The following RALGAPA2 variants were observed in gnomAD, a reference collection of about 807,000 sequenced individuals.
The protein encoded by RALGAPA2 is ral GTPase-activating protein subunit alpha-2.
RALGAPA2 carries 139 observed loss-of-function variants against 230.4 expected under a neutral mutation model. The observed-to-expected ratio is 0.60, with a 90% CI of 0.53 to 0.69. The LOEUF is 0.69. Among genes scored for constraint, RALGAPA2 ranks in the 30% least tolerant of loss-of-function variants. The pLI, the probability that RALGAPA2 is intolerant of heterozygous loss-of-function variation, is 0.00. For synonymous variants in RALGAPA2, 847 were observed against 837.8 expected, an observed-to-expected ratio of 1.01 and a Z score of -0.19; for missense variants, 2,163 against 2,276.0, an observed-to-expected ratio of 0.95 and a Z score of 1.01.
chr20:20,598,581 G>A (rs188646365), intron 16 of RALGAPA2: 20 of 332,566 alleles, frequency 6.0e-5, no homozygotes, highest in East Asian at 5.0e-4. Context: ...GGTCAGGCAC[G>A]TGTGTGATGT....
chr20:20,473,947 T>G (rs1045375664), intron 36 of RALGAPA2, among the ~76,000 whole-genome samples: 1 of 152,202 alleles, frequency 6.6e-6, no homozygotes, highest in South Asian at 2.1e-4. Context: ...GAAACAACAG[T>G]GAATAGTACA....
chr20:20,669,601 T>C (rs2068067890), intron 3 of RALGAPA2, among the ~76,000 whole-genome samples: 1 of 152,170 alleles, frequency 6.6e-6, no homozygotes, highest in African/African-American at 2.4e-5. Flanking sequence ...TAAGCCTATG[T>C]AGTTTACTTA....
chr20:20,646,315 C>T lies in RALGAPA2; in HGVS notation c.329-2766G>A, dbSNP rs150402297. On this transcript the variant is annotated intron_variant, in intron 4 of 39. Transcript: ENST00000202677. Reference sequence around the variant, plus strand: ...CTGGGATTACAGGTGTGAGCCAATGCGCCCAGCCCTCTGTAGGTATTTTTT... The same window carrying T: ...CTGGGATTACAGGTGTGAGCCAATGTGCCCAGCCCTCTGTAGGTATTTTTT... 3.6e-3 allele frequency among the ~76,000 whole-genome samples: 546 copies of T among 152,308 alleles called. 2 individuals are homozygous for T. The highest frequency in any genetic ancestry group is 0.013 in the African/African-American group (522 of 41,562).
Position 20,545,227 on chromosome 20 carries a change from C to CT in RALGAPA2, c.3285+1476dup, listed in dbSNP as rs1167830384. Among the ~76,000 whole-genome samples the CT allele has an allele frequency of 1.3e-4, 19 of 149,246 alleles. No homozygotes were observed. The South Asian group carries it at 1.5e-3, about 12-fold the overall frequency. ...CAAATTCAACATTTTTCTTCTTCTACTTTTTTTTTTCTTTTTAAGAGATGG... is the reference window on the plus strand; with the variant it reads ...CAAATTCAACATTTTTCTTCTTCTACTTTTTTTTTTTCTTTTTAAGAGATGG... On this transcript the variant is annotated intron_variant, in intron 24 of 39. Transcript: ENST00000202677.
intron 27 of RALGAPA2, among the ~76,000 whole-genome samples, chr20:20,530,921 A>C (rs2145559757): frequency 6.6e-6 from 1 of 152,288 alleles, no homozygotes; most frequent in East Asian, 1.9e-4. Context: ...GATAATGGCA[A>C]TGCTATTTAT....
chr20:20,616,192 C>A lies in RALGAPA2; in HGVS notation c.1540-1G>T. 6.7e-7 allele frequency: 1 copy of A among 1,499,334 alleles called. No individual in the cohort carries two copies. The highest frequency in any genetic ancestry group is 8.9e-7 in the Non-Finnish European group (1 of 1,124,558). 92.9% of individuals were successfully genotyped at this position (1,499,334 alleles called of 1,614,324 possible). On this transcript the variant is annotated splice_acceptor_variant, in intron 12 of 39. Coordinates refer to ENST00000202677, the MANE Select transcript of RALGAPA2 (RefSeq NM_020343.4). LOFTEE classifies it high-confidence loss of function. ...TGTTTGCAGAGTTCGTCAAAAATAC[C>A]TTAAAATCAACAACTTTACATTAGA...
At position 20,680,742 on chromosome 20, in the gene RALGAPA2, A is replaced by G; in HGVS notation, c.166T>C (p.Phe56Leu). 6.3e-7 allele frequency: 1 copy of G among 1,587,154 alleles called. No homozygotes were observed. The highest frequency in any genetic ancestry group is 1.9e-5 in the Admixed American group (1 of 53,486). Residue 56 changes from phenylalanine (F) to leucine (L), a missense_variant, in exon 2 of 40, where the codon TTC becomes CTC. By Grantham distance (22) the Phe-to-Leu change is conservative (BLOSUM62 0). Coordinates refer to ENST00000202677, the MANE Select transcript of RALGAPA2 (RefSeq NM_020343.4). ...FFETNYSQIY[F>L]IFYENFIALE... ...GCTATAAAATTTTCATAGAAGATGA[A>G]ATATATCTGAGAATAGTTGGTCTCA...
rs753542623 is a variant in RALGAPA2 at position 20,536,778 on chromosome 20, G to C, written c.3292C>G (p.Arg1098Gly). Residue 1098 changes from arginine to glycine, a missense_variant, in exon 25 of 40, where the codon CGT becomes GGT. Arg to Gly is a moderately radical substitution (Grantham distance 125). Coordinates refer to ENST00000202677, the MANE Select transcript of RALGAPA2 (RefSeq NM_020343.4). ...VLSTDILTAP[R>G]SEAVTVLGSL... Reference sequence around the variant, plus strand: ...CCGAGGACAGTGACAGCCTCTGAACGAGGCGCCTGCACATAAGGAAGAGGA... The same window carrying C: ...CCGAGGACAGTGACAGCCTCTGAACCAGGCGCCTGCACATAAGGAAGAGGA... 2 of 1,611,472 alleles carry C rather than the reference G, an allele frequency of 1.2e-6. No individual in the cohort carries two copies. Among genetic ancestry groups the C allele is most frequent in the South Asian group, 1.1e-5 (1 of 90,908 alleles).
intron 20 of RALGAPA2, among the ~76,000 whole-genome samples, chr20:20,575,187 C>T (rs573637793): frequency 2.2e-4 from 34 of 152,298 alleles, no homozygotes; most frequent in East Asian, 1.3e-3. Flanking sequence ...TACAGATTTA[C>T]TGCCAGACAT....
intron 35 of RALGAPA2, among the ~76,000 whole-genome samples, chr20:20,498,793 G>C (rs2062288889): frequency 6.6e-6 from 1 of 152,152 alleles, no homozygotes; most frequent in African/African-American, 2.4e-5. Context: ...TATGTGGCTG[G>C]CCAGCCTGAG....
chr20:20,707,996 A>G (rs966192126), intron 1 of RALGAPA2, among the ~76,000 whole-genome samples: 1 of 152,164 alleles, frequency 6.6e-6, no homozygotes, highest in Non-Finnish European at 1.5e-5. Flanking sequence ...GTGTGCAGCC[A>G]CTAGTGACAT....
At position 20,546,718 on chromosome 20, in the gene RALGAPA2, T is replaced by C. The variant is rs780854450; in HGVS notation, c.3271A>G (p.Thr1091Ala). 6.2e-7 allele frequency: 1 copy of C among 1,605,134 alleles called. No individual in the cohort carries two copies. The highest frequency in any genetic ancestry group is 8.5e-7 in the Non-Finnish European group (1 of 1,177,386). The change falls in exon 24 of 40, where the codon ACA becomes GCA. Residue 1091 changes from threonine to alanine, a missense_variant. By Grantham distance (58) the Thr-to-Ala change is moderately conservative. Transcript: ENST00000202677. ...FITAAARVLS[T>A]DILTAPRSEA... ...GTCATACTCACCGTCAAAATGTCTG[T>C]GCTAAGGACCCTGGCAGCGGCCGTG...
intron 39 of RALGAPA2, among the ~76,000 whole-genome samples, 175 bp downstream of exon 39, chr20:20,396,520 G>C (rs967863070): frequency 6.6e-6 from 1 of 152,244 alleles, no homozygotes; most frequent in Non-Finnish European, 1.5e-5. Flanking sequence ...GGGCTTCCCC[G>C]GGCAGCGCAG....
rs142958109 is a variant in RALGAPA2, at chr20:20,492,898, G to C, written c.5367+2219C>G. On this transcript the variant is annotated intron_variant, in intron 36 of 39. Coordinates refer to ENST00000202677, the MANE Select transcript of RALGAPA2 (RefSeq NM_020343.4). Reference sequence around the variant, plus strand: ...AAATCATTGCCTGGTTGCCAAGCAGGGAGATAAAAAATGACAACAATACAA... The same window carrying C: ...AAATCATTGCCTGGTTGCCAAGCAGCGAGATAAAAAATGACAACAATACAA... Among the ~76,000 whole-genome samples, 4 of 152,024 alleles carry C rather than the reference G, an allele frequency of 2.6e-5. No individual in the cohort carries two copies. In the South Asian group the frequency reaches 8.3e-4, roughly 32 times the overall value.
At chr20:20,489,107 T>A (rs1456604538) in intron 36 of RALGAPA2, among the ~76,000 whole-genome samples, 1 of 152,200 alleles carries the variant, frequency 6.6e-6, no homozygotes, top group African/African-American at 2.4e-5. Flanking sequence ...TTTGGTGGGT[T>A]TGAAGAAAAT....
intron 24 of RALGAPA2, among the ~76,000 whole-genome samples, chr20:20,544,212 G>C (rs1252871997): frequency 6.6e-6 from 1 of 151,966 alleles, no homozygotes; most frequent in Non-Finnish European, 1.5e-5. Context: ...ACGAGATCAG[G>C]AGATTGAGAC....
intron 37 of RALGAPA2, among the ~76,000 whole-genome samples, chr20:20,455,786 T>C (rs768440440): frequency 5.3e-5 from 8 of 152,164 alleles, no homozygotes; most frequent in Non-Finnish European, 8.8e-5. Flanking sequence ...ACATTCTCCT[T>C]AAAGAAATCT....
intron 36 of RALGAPA2, among the ~76,000 whole-genome samples, chr20:20,485,568 A>AT (rs1217465062): frequency 1.3e-5 from 2 of 151,956 alleles, no homozygotes; most frequent in Non-Finnish European, 2.9e-5. Context: ...ATATGAGTCC[A>AT]TTTTTTTCCT....
intron 3 of RALGAPA2, among the ~76,000 whole-genome samples, chr20:20,654,769 T>A (rs2067529119): frequency 6.6e-6 from 1 of 152,320 alleles, no homozygotes; most frequent in Admixed American, 6.5e-5. Context: ...AGAAGTGGGA[T>A]TGCTGGGGCA....
Sources: gnomAD v4.1 joint callset for allele counts (sites outside exome capture counted in the v4.1 genomes callset) on GRCh38, gnomAD v4.1.1 for gene constraint, MANE v1.5 for transcripts, NCBI Gene and HGNC (gene_info 2026-07-23, HGNC 2026-07-21) for gene names.